Variants in NTN4 observed in about 807,000 individuals in gnomAD.
NTN4 encodes the protein netrin 4.
Under a neutral mutation model 73.6 loss-of-function variants are expected in NTN4, and 32 were observed. That is an observed-to-expected ratio of 0.44 (90% CI 0.33 to 0.58). The LOEUF is 0.58. Ranked by LOEUF, NTN4 falls within the 20% of genes least tolerant of loss-of-function variation. The pLI, the probability that NTN4 is intolerant of heterozygous loss-of-function variation, is 0.04. For missense variants in NTN4, 654 were observed against 798.3 expected (o/e 0.82, Z 2.18); for synonymous variants, 258 against 287.5 (o/e 0.90, Z 1.04).
At position 95,684,166 on chromosome 12, in the gene NTN4, C is replaced by G. The variant is rs971979050; in HGVS notation, c.1181-455G>C. On this transcript the variant is annotated intron_variant, in intron 5 of 9. Transcript: ENST00000343702. ...GATGGAGTATTGCATTTGAACAGCA[C>G]AAAAGCTGATGGTGTTCTTCACAGG... Among the ~76,000 whole-genome samples, 5 of 152,236 alleles carry G rather than the reference C, an allele frequency of 3.3e-5. No homozygotes were observed. In the South Asian group the frequency reaches 8.3e-4, roughly 25 times the overall value.
At chr12:95,746,681 C>T (rs111461874) in intron 2 of NTN4, among the ~76,000 whole-genome samples, 45 of 152,308 alleles carry the variant, frequency 3.0e-4, no homozygotes, top group African/African-American at 8.9e-4. Flanking sequence ...CTCTGTGGAA[C>T]TCTACCTTGC....
At chr12:95,692,614 G>GCC (rs1292884391) in intron 5 of NTN4, among the ~76,000 whole-genome samples, 1 of 152,190 alleles carries the variant, frequency 6.6e-6, no homozygotes, top group Non-Finnish European at 1.5e-5. Flanking sequence ...AAACACACCT[G>GCC]TTAATGAAAC....
At chr12:95,711,956 T>C (rs1267652690) in intron 4 of NTN4, among the ~76,000 whole-genome samples, 1 of 152,242 alleles carries the variant, frequency 6.6e-6, no homozygotes, top group Non-Finnish European at 1.5e-5. Flanking sequence ...CAGATTCATA[T>C]CTTTTAAAAG....
chr12:95,790,672 C>G lies in NTN4; in HGVS notation c.-363G>C. On this transcript the variant is annotated 5_prime_UTR_variant, in exon 1 of 10. Transcript: ENST00000343702. The surrounding 1 kb of genome is among the most constrained non-coding windows in gnomAD (Gnocchi z 6.5). The stretch of plus-strand genomic sequence containing the variant: ...CGCCGCTGAACTTTGCGAGACCTTT[C>G]ACTTCCCGGCCGCCGCCGCCGCCTC... 5.8e-6 allele frequency: 1 copy of G among 172,724 alleles called. No individual in the cohort carries two copies. 10.7% of individuals were successfully genotyped at this position (172,724 alleles called of 1,614,324 possible).
At chr12:95,785,397 G>A (rs143599109) in intron 2 of NTN4, among the ~76,000 whole-genome samples, 10 of 152,280 alleles carry the variant, frequency 6.6e-5, no homozygotes, top group South Asian at 4.1e-4. Flanking sequence ...CTTTCCTGTC[G>A]TGGTATCTTT....
In NTN4 at chr12:95,659,058, G is replaced by T. The variant is rs374757016; in HGVS notation, c.*28C>A. 1 of 1,586,576 alleles carries T rather than the reference G, an allele frequency of 6.3e-7. No homozygotes were observed. On this transcript the variant is annotated 3_prime_UTR_variant, in exon 10 of 10. Coordinates refer to ENST00000343702, the MANE Select transcript of NTN4 (RefSeq NM_021229.4). The stretch of plus-strand genomic sequence containing the variant: ...AAGTTTGTGTTTTGTACATAGACAA[G>T]TGCCATTATGTGCTATCCATCTTAA...
intron 3 of NTN4, among the ~76,000 whole-genome samples, chr12:95,735,945 ATTTATTTT>A (rs2078774573): frequency 7.4e-6 from 1 of 135,278 alleles, no homozygotes; most frequent in South Asian, 2.3e-4. Context: ...TTATTTATTT[ATTTATTTT>A]TTTGAGACAG....
chr12:95,752,474 G>A (rs1277766271), intron 2 of NTN4, among the ~76,000 whole-genome samples: 1 of 151,272 alleles, frequency 6.6e-6, no homozygotes, highest in East Asian at 1.9e-4. Context: ...CTTTCACTTG[G>A]ACTGACCCTG....
chr12:95,747,410 GGGC>G (rs1417215281), intron 2 of NTN4, among the ~76,000 whole-genome samples: 3 of 151,946 alleles, frequency 2.0e-5, no homozygotes, highest in African/African-American at 7.2e-5. Context: ...TTGAACTACT[GGGC>G]TCAAGTAATC....
At chr12:95,746,386 AC>A (rs138404936) in intron 2 of NTN4, among the ~76,000 whole-genome samples, 100,631 of 151,062 alleles carry the variant, frequency 0.67, 33,869 homozygotes, top group South Asian at 0.74. Flanking sequence ...TTTTAACTAG[AC>A]CCCCCCCTCC....
chr12:95,679,910 C>T (rs2078302837), intron 7 of NTN4, among the ~76,000 whole-genome samples: 1 of 152,110 alleles, frequency 6.6e-6, no homozygotes, highest in Non-Finnish European at 1.5e-5. Context: ...TCCTGAATTC[C>T]TCCTCAGGGC....
chr12:95,686,080 A>G (rs2078358986), intron 5 of NTN4, among the ~76,000 whole-genome samples: 2 of 151,778 alleles, frequency 1.3e-5, no homozygotes, highest in African/African-American at 4.8e-5. Flanking sequence ...TTTTATAGCG[A>G]CAGGGTATCA....
At chr12:95,762,240 T>G (rs1222817835) in intron 2 of NTN4, among the ~76,000 whole-genome samples, 1 of 152,154 alleles carries the variant, frequency 6.6e-6, no homozygotes, top group Admixed American at 6.6e-5. Flanking sequence ...TTTAAAAAAT[T>G]TTCAAGTTTT....
chr12:95,699,049 T>A (rs892859577), intron 5 of NTN4, among the ~76,000 whole-genome samples: 1 of 151,436 alleles, frequency 6.6e-6, no homozygotes, highest in Non-Finnish European at 1.5e-5. Context: ...AAGCTGAGAT[T>A]AAAGTTTCCC....
intron 2 of NTN4, among the ~76,000 whole-genome samples, chr12:95,748,476 CTTTTTT>C (rs762351453): frequency 2.8e-5 from 3 of 105,938 alleles, no homozygotes; most frequent in African/African-American, 3.5e-5. Flanking sequence ...ATTTTCTTTT[CTTTTTT>C]TTTTTTTTTT....
intron 9 of NTN4, among the ~76,000 whole-genome samples, chr12:95,660,052 T>G (rs1484980409): frequency 6.6e-6 from 1 of 152,166 alleles, no homozygotes; most frequent in African/African-American, 2.4e-5. Flanking sequence ...CTCGCTCTGT[T>G]GTCCAGGCTG....
At chr12:95,672,492 G>C (rs1325074019) in intron 7 of NTN4, 2 of 1,533,676 alleles carry the variant, frequency 1.3e-6, no homozygotes, top group Non-Finnish European at 1.8e-6. Flanking sequence ...AGAAGAGAGC[G>C]ACCCGGACCC....
At position 95,687,171 on chromosome 12, in the gene NTN4, T is replaced by A. The variant is rs2078367072; in HGVS notation, c.1181-3460A>T. ...TATTTCTATTTTGTCCCTATCACAGTGCATCATTATTATTTTTTCCATTGG... is the reference window on the plus strand; with the variant it reads ...TATTTCTATTTTGTCCCTATCACAGAGCATCATTATTATTTTTTCCATTGG... On this transcript the variant is annotated intron_variant, in intron 5 of 9. Coordinates refer to ENST00000343702, the MANE Select transcript of NTN4 (RefSeq NM_021229.4). 9.6e-5 allele frequency among the ~76,000 whole-genome samples: 4 copies of A among 41,702 alleles called. No homozygotes were observed. In the Admixed American group the frequency reaches 1.2e-3, roughly 13 times the overall value. 27.4% of individuals were successfully genotyped at this position (41,702 alleles called of 152,430 possible). A position where few individuals can be genotyped will look rare whatever the true frequency, so the allele number is the denominator to read the frequency against.
chr12:95,756,904 C>T (rs2078951057), intron 2 of NTN4, among the ~76,000 whole-genome samples: 1 of 152,072 alleles, frequency 6.6e-6, no homozygotes, highest in African/African-American at 2.4e-5. Flanking sequence ...CTCCCACCCT[C>T]TACTTGGTCA....
Sources: allele counts gnomAD v4.1 joint callset (sites outside exome capture counted in the v4.1 genomes callset), GRCh38; gene constraint gnomAD v4.1.1; non-coding constraint Gnocchi (gnomAD v3.1); transcripts MANE v1.5; gene names NCBI Gene and HGNC (gene_info 2026-07-23, HGNC 2026-07-21).